The following FOCAD variants were observed in gnomAD, a reference collection of about 807,000 sequenced individuals.
FOCAD encodes the protein focadhesin, also known as KIAA1797.
FOCAD carries 198 observed loss-of-function variants against 225.6 expected under a neutral mutation model. The ratio of observed to expected loss-of-function variants is 0.88; its 90% CI spans 0.78 to 0.99. The LOEUF (loss-of-function observed/expected upper bound fraction) is 0.99, where lower values mean the gene tolerates loss of function less well. Ranked by LOEUF, FOCAD falls within the 50% of genes least tolerant of loss-of-function variation. The probability of loss-of-function intolerance (pLI) is 0.00; values close to 1 mark genes in which losing one functional copy is unlikely to be tolerated. For synonymous variants in FOCAD, 897 were observed against 755.0 expected (o/e 1.19, Z -3.08); for missense variants, 2,713 against 2,123.6 (o/e 1.28, Z -5.46).
chr9:20,676,402 T>G (rs1347381861), intron 2 of FOCAD, among the ~76,000 whole-genome samples: 1 of 152,216 alleles, frequency 6.6e-6, no homozygotes, highest in Non-Finnish European at 1.5e-5. Flanking sequence ...CCTCCCTCAA[T>G]TACTGTTATT....
intron 35 of FOCAD, chr9:20,957,497 G>GTTTTTTTTTTTTTTTTTTT: frequency 9.8e-5 from 1 of 10,180 alleles, no homozygotes; most frequent in Non-Finnish European, 2.1e-4. Flanking sequence ...TTTTTTTTGA[G>GTTTTTTTTTTTTTTTTTTT]ACAGTCTTGC....
intron 21 of FOCAD, among the ~76,000 whole-genome samples, chr9:20,887,718 G>A (rs999998379): frequency 2.0e-5 from 3 of 152,168 alleles, no homozygotes; most frequent in Non-Finnish European, 2.9e-5. Flanking sequence ...GAGTGAGAGT[G>A]CAACGTCATG....
intron 15 of FOCAD, among the ~76,000 whole-genome samples, chr9:20,848,761 A>G (rs968259828): frequency 1.3e-5 from 2 of 152,002 alleles, no homozygotes; most frequent in African/African-American, 4.8e-5. Context: ...TACCAGGGGC[A>G]CTATGTCATG....
intron 15 of FOCAD, among the ~76,000 whole-genome samples, chr9:20,851,960 C>T (rs1827703724): frequency 6.6e-6 from 1 of 151,788 alleles, no homozygotes; most frequent in Admixed American, 6.6e-5. Context: ...CCATGTGGCC[C>T]TTGAAACCTA....
In FOCAD at chr9:20,867,019, A is replaced by G. The variant is rs374862531; in HGVS notation, c.2190+7A>G. On this transcript the variant is annotated splice_region_variant and intron_variant, in intron 18 of 43. Transcript: ENST00000338382. Reference sequence around the variant, plus strand: ...TCTTCATCTGCCTGAAAAGGTAGGCATATCTGCTTTCTCACTGGTATTTCT... The same window carrying G: ...TCTTCATCTGCCTGAAAAGGTAGGCGTATCTGCTTTCTCACTGGTATTTCT... 7 of 1,550,220 alleles carry G rather than the reference A, an allele frequency of 4.5e-6. No individual in the cohort carries two copies. Among genetic ancestry groups the G allele is most frequent in the Admixed American group, 3.8e-5 (2 of 52,046 alleles).
At chr9:20,863,978 C>T (rs948957863) in intron 16 of FOCAD, among the ~76,000 whole-genome samples, 1 of 151,680 alleles carries the variant, frequency 6.6e-6, no homozygotes, top group South Asian at 2.1e-4. Flanking sequence ...CATTCTTTTC[C>T]TTTGGTATCT....
upstream of FOCAD, among the ~76,000 whole-genome samples, chr9:20,657,858 T>G (rs1280720007): frequency 2.2e-4 from 27 of 120,046 alleles, no homozygotes; most frequent in African/African-American, 6.4e-4. Context: ...GGCGCTCTGC[T>G]TTTTAGAGTT....
intron 24 of FOCAD, among the ~76,000 whole-genome samples, chr9:20,919,471 G>C (rs1184928616): frequency 2.0e-5 from 3 of 152,004 alleles, no homozygotes; most frequent in Non-Finnish European, 4.4e-5. Flanking sequence ...CTACTTTAAA[G>C]TTCATATGGA....
At chr9:20,793,108 G>T (rs1398196107) in intron 11 of FOCAD, among the ~76,000 whole-genome samples, 1 of 152,152 alleles carries the variant, frequency 6.6e-6, no homozygotes, top group South Asian at 2.1e-4. Flanking sequence ...CCAGCAAAAA[G>T]AAGCCAGAAT....
Position 20,770,090 on chromosome 9 carries a change from G to T in FOCAD, c.758G>T (p.Ser253Ile), listed in dbSNP as rs199678370. 1.9e-6 allele frequency: 3 copies of T among 1,613,968 alleles called. No homozygotes were observed. The South Asian group carries it at 3.3e-5, about 18-fold the overall frequency. The change falls in exon 8 of 44, where the codon AGC becomes ATC. Residue 253 changes from serine to isoleucine, a missense_variant. Transcript: ENST00000338382. ...AMMFIEEVCL[S>I]LLRHPVFWKI... is the part of the protein sequence containing the mutation. ...ATGTTTATTGAGGAAGTATGTTTAA[G>T]CCTTTTGCGTCATCCTGTTTTCTGG...
At chr9:20,984,731 T>C (rs1420946474) in intron 39 of FOCAD, among the ~76,000 whole-genome samples, 1 of 152,186 alleles carries the variant, frequency 6.6e-6, no homozygotes, top group Non-Finnish European at 1.5e-5. Flanking sequence ...GTGCTAATAG[T>C]CTTTTCACAT....
chr9:20,934,672 G>A (rs1587656271), intron 28 of FOCAD, among the ~76,000 whole-genome samples: 1 of 152,230 alleles, frequency 6.6e-6, no homozygotes, highest in African/African-American at 2.4e-5. Flanking sequence ...ATCAGGTAAT[G>A]TGATGCCTCC....
At chr9:20,722,678 G>A (rs776957881) in intron 4 of FOCAD, among the ~76,000 whole-genome samples, 17 of 152,116 alleles carry the variant, frequency 1.1e-4, no homozygotes, top group Non-Finnish European at 1.6e-4. Flanking sequence ...AAAAATTTTA[G>A]AATAATTCTA....
intron 5 of FOCAD, among the ~76,000 whole-genome samples, chr9:20,754,018 G>A (rs756068956): frequency 1.2e-4 from 19 of 152,182 alleles, no homozygotes; most frequent in Non-Finnish European, 2.1e-4. Flanking sequence ...GTGTTTTGGC[G>A]TTCTTTGTAC....
intron 16 of FOCAD, among the ~76,000 whole-genome samples, chr9:20,863,753 T>A (rs1325134838): frequency 1.3e-5 from 2 of 152,166 alleles, no homozygotes; most frequent in Non-Finnish European, 2.9e-5. Flanking sequence ...GATAATGAGC[T>A]AAGACTAAAA....
intron 2 of FOCAD, among the ~76,000 whole-genome samples, chr9:20,663,474 A>AAC (rs367867901): frequency 0.15 from 21,599 of 148,636 alleles, 1,560 homozygotes; most frequent in East Asian, 0.23. Flanking sequence ...TGTGTGCATG[A>AAC]ACACACACAC....
intron 15 of FOCAD, among the ~76,000 whole-genome samples, chr9:20,843,476 A>G (rs1283123905): frequency 6.6e-6 from 1 of 152,008 alleles, no homozygotes; most frequent in African/African-American, 2.4e-5. Flanking sequence ...TGCTAGACTT[A>G]TTGGAACGAT....
chr9:20,757,374 T>C, intron 5 of FOCAD, among the ~76,000 whole-genome samples: 1 of 152,246 alleles, frequency 6.6e-6, no homozygotes, highest in East Asian at 1.9e-4. Context: ...TAACTCATGG[T>C]TGTACTTTTT....
chr9:20,788,323 A>G (rs979785478), intron 10 of FOCAD, among the ~76,000 whole-genome samples: 4 of 152,080 alleles, frequency 2.6e-5, no homozygotes, highest in African/African-American at 9.7e-5. Flanking sequence ...AGGAGTGACT[A>G]TCAGTGGGTA....
Sources: allele counts gnomAD v4.1 joint callset (sites outside exome capture counted in the v4.1 genomes callset), GRCh38; gene constraint gnomAD v4.1.1; transcripts MANE v1.5; gene names NCBI Gene and HGNC (gene_info 2026-07-23, HGNC 2026-07-21).